Variants in TEAD1 observed in about 807,000 individuals in gnomAD.
TEAD1 encodes the protein TEA domain transcription factor 1.
A neutral mutation model predicts 54.9 loss-of-function variants in TEAD1; 9 were observed. That is an observed-to-expected ratio of 0.16 (90% CI 0.10 to 0.29). TEAD1 has a LOEUF of 0.29. TEAD1 is among the 10% of genes least tolerant of loss of function. The probability of loss-of-function intolerance (pLI) is 1.00; values close to 1 mark genes in which losing one functional copy is unlikely to be tolerated. For missense variants in TEAD1, 387 were observed against 535.9 expected (o/e 0.72, Z 2.74); for synonymous variants, 200 against 187.8 (o/e 1.07, Z -0.53).
At chr11:12,702,359 A>G (rs1943721583) in intron 2 of TEAD1, among the ~76,000 whole-genome samples, 1 of 152,188 alleles carries the variant, frequency 6.6e-6, no homozygotes, top group Admixed American at 6.5e-5. Context: ...CTCACTGTCC[A>G]GACCAGTCCC....
chr11:12,826,628 G>A (rs558195424), intron 3 of TEAD1, among the ~76,000 whole-genome samples: 37 of 152,146 alleles, frequency 2.4e-4, no homozygotes, highest in South Asian at 6.2e-4. Context: ...CAAACCTTGG[G>A]TCAGTTACTT....
At chr11:12,781,150 G>A (rs1055645012) in intron 3 of TEAD1, among the ~76,000 whole-genome samples, 3 of 152,110 alleles carry the variant, frequency 2.0e-5, no homozygotes, top group Non-Finnish European at 4.4e-5. Context: ...GAGTGAAGTC[G>A]GATCCCTTCC....
intron 9 of TEAD1, among the ~76,000 whole-genome samples, chr11:12,897,264 G>A (rs1189963257): frequency 6.6e-6 from 1 of 152,172 alleles, no homozygotes; most frequent in Non-Finnish European, 1.5e-5. Flanking sequence ...AGATTTATTT[G>A]GGAAGGAGAG....
rs1338779572 is a variant in TEAD1, at chr11:12,929,188, GTGTGTGTGTGTGTCTGC to G, written c.1015-984_1015-968del. 1.0e-4 allele frequency among the ~76,000 whole-genome samples: 9 copies of G among 86,312 alleles called. No individual in the cohort carries two copies. In the South Asian group the frequency reaches 2.1e-3, roughly 20 times the overall value. 56.6% of individuals were successfully genotyped at this position (86,312 alleles called of 152,430 possible). ...CGTGTGTGTGTGTGTGTGTGTGTGT[GTGTGTGTGTGTGTCTGC>G]TTTAGGGTTATGTGAAATAATCTCT... On this transcript the variant is annotated intron_variant, in intron 11 of 12. Coordinates refer to ENST00000527636, the MANE Select transcript of TEAD1 (RefSeq NM_021961.6).
At chr11:12,924,725 C>CAATT (rs1948878194) in intron 10 of TEAD1, among the ~76,000 whole-genome samples, 187 bp from the exon 11 acceptor site, 1 of 152,138 alleles carries the variant, frequency 6.6e-6, no homozygotes. Flanking sequence ...CAAGAGAGGA[C>CAATT]TGCCCAAATT....
In TEAD1 at chr11:12,692,481, C is replaced by T. The variant is rs143817594; in HGVS notation, c.-55+16920C>T. Reference sequence around the variant, plus strand: ...CCTGGCCTGGGAAATTTTGGATACACATTTAATGCCCCTCACCCACCACCC... The same window carrying T: ...CCTGGCCTGGGAAATTTTGGATACATATTTAATGCCCCTCACCCACCACCC... On this transcript the variant is annotated intron_variant, in intron 2 of 12. Transcript: ENST00000527636. 5.3e-5 allele frequency among the ~76,000 whole-genome samples: 8 copies of T among 152,288 alleles called. No homozygotes were observed. In the East Asian group the frequency reaches 1.4e-3, roughly 26 times the overall value.
At chr11:12,678,986 C>G (rs1233080192) in intron 2 of TEAD1, among the ~76,000 whole-genome samples, 1 of 152,136 alleles carries the variant, frequency 6.6e-6, no homozygotes. Context: ...GGGTAGGTTA[C>G]TCTTAGCTTT....
At chr11:12,758,530 C>T (rs1338481924) in intron 2 of TEAD1, among the ~76,000 whole-genome samples, 1 of 151,796 alleles carries the variant, frequency 6.6e-6, no homozygotes, top group Non-Finnish European at 1.5e-5. Context: ...CCCACCTCAG[C>T]CTCCTGAGTA....
At chr11:12,792,355 TAA>T (rs10630085) in intron 3 of TEAD1, among the ~76,000 whole-genome samples, 10 of 98,626 alleles carry the variant, frequency 1.0e-4, no homozygotes, top group African/African-American at 1.5e-4. Flanking sequence ...GGGAAAATAG[TAA>T]AAAAAAAAAA....
At chr11:12,721,938 C>G (rs1031529581) in intron 2 of TEAD1, among the ~76,000 whole-genome samples, 1 of 152,096 alleles carries the variant, frequency 6.6e-6, no homozygotes, top group East Asian at 1.9e-4. Context: ...CATCCCTGTG[C>G]GTAAGAGTTG....
At chr11:12,860,510 C>T (rs892706699) in intron 3 of TEAD1, among the ~76,000 whole-genome samples, 2 of 152,188 alleles carry the variant, frequency 1.3e-5, no homozygotes, top group African/African-American at 4.8e-5. Flanking sequence ...TCGCAATTCT[C>T]AGACAAGATT....
intron 3 of TEAD1, among the ~76,000 whole-genome samples, chr11:12,847,554 A>G (rs181037336): frequency 2.0e-5 from 3 of 152,232 alleles, no homozygotes; most frequent in Admixed American, 6.5e-5. Context: ...TGACAGGAAT[A>G]AGGATTTTTA....
intron 12 of TEAD1, among the ~76,000 whole-genome samples, chr11:12,933,113 T>A (rs1949040950): frequency 6.6e-6 from 1 of 152,176 alleles, no homozygotes; most frequent in Non-Finnish European, 1.5e-5. Context: ...CAAAACCACC[T>A]GATTACACAT....
intron 2 of TEAD1, among the ~76,000 whole-genome samples, chr11:12,733,792 G>C (rs574029676): frequency 5.4e-4 from 82 of 152,362 alleles, no homozygotes; most frequent in African/African-American, 1.9e-3. Flanking sequence ...ATAATCATAT[G>C]TACAATAGTG....
chr11:12,674,901 G>T (rs1943041904), intron 1 of TEAD1, 67 bp downstream of exon 1: 1 of 150,340 alleles, frequency 6.7e-6, no homozygotes, highest in African/African-American at 2.4e-5. Context: ...GGCCGGCGGC[G>T]CGTCCCTCGC....
chr11:12,897,171 G>A (rs1233808464), intron 9 of TEAD1, among the ~76,000 whole-genome samples: 3 of 152,068 alleles, frequency 2.0e-5, no homozygotes, highest in African/African-American at 7.2e-5. Context: ...TTTGTTTTGT[G>A]CCCCATAGAA....
At chr11:12,846,297 T>C (rs1376749576) in intron 3 of TEAD1, among the ~76,000 whole-genome samples, 4 of 124,464 alleles carry the variant, frequency 3.2e-5, no homozygotes, top group South Asian at 5.5e-4. Context: ...CTTAAACACC[T>C]GCCCAAAGGA....
chr11:12,835,884 T>C lies in TEAD1; in HGVS notation c.203-26366T>C, dbSNP rs75369411. Among the ~76,000 whole-genome samples, 544 of 152,144 alleles carry C rather than the reference T, an allele frequency of 3.6e-3. 10 individuals are homozygous for C. The East Asian group carries it at 0.053, about 15-fold the overall frequency. On this transcript the variant is annotated intron_variant, in intron 3 of 12. Transcript: ENST00000527636. ...TTAGTCAACGGGTACAAAGTTTCAG[T>C]TAGGAGGAATAAGTTCTAGTGATCT... is the stretch of plus-strand genomic sequence containing the variant.
Position 12,857,578 on chromosome 11 carries a change from C to CTCTGTG in TEAD1, c.203-4671_203-4670insCTGTGT, listed in dbSNP as rs1343843895. Among the ~76,000 whole-genome samples, 11 of 145,848 alleles carry CTCTGTG rather than the reference C, an allele frequency of 7.5e-5. No individual in the cohort carries two copies. In the East Asian group the frequency reaches 1.4e-3, roughly 19 times the overall value. On this transcript the variant is annotated intron_variant, in intron 3 of 12. Coordinates refer to ENST00000527636, the MANE Select transcript of TEAD1 (RefSeq NM_021961.6). ...ATCAAGCATCTCTCTCTCTCTGTCT[C>CTCTGTG]TGTGTGTGTGTGTGTGTGTGTGTGT... is the stretch of plus-strand genomic sequence containing the variant.
Sources: gnomAD v4.1 joint callset for allele counts (sites outside exome capture counted in the v4.1 genomes callset) on GRCh38, gnomAD v4.1.1 for gene constraint, MANE v1.5 for transcripts, NCBI Gene and HGNC (gene_info 2026-07-23, HGNC 2026-07-21) for gene names.